Variants in RYR3 observed in about 807,000 individuals in gnomAD.
RYR3 encodes the protein brain ryanodine receptor-calcium release channel.
A neutral mutation model predicts 584.3 loss-of-function variants in RYR3; 207 were observed. The ratio of observed to expected loss-of-function variants is 0.35; its 90% CI spans 0.32 to 0.40. The LOEUF is 0.40. Ranked by LOEUF, RYR3 falls within the 10% of genes least tolerant of loss-of-function variation. The pLI, the probability that RYR3 is intolerant of heterozygous loss-of-function variation, is 1.00. For synonymous variants in RYR3, 2,416 were observed against 2,248.5 expected, an observed-to-expected ratio of 1.07 and a Z score of -2.11; for missense variants, 5,616 against 6,089.2, an observed-to-expected ratio of 0.92 and a Z score of 2.59.
chr15:33,523,318 T>C (rs2054146754), intron 3 of RYR3, among the ~76,000 whole-genome samples: 1 of 152,100 alleles, frequency 6.6e-6, no homozygotes, highest in Non-Finnish European at 1.5e-5. Flanking sequence ...CTTTTCACGG[T>C]AAATCTTGCT....
intron 2 of RYR3, 21 bp from the exon 3 acceptor site, chr15:33,503,610 A>G: frequency 6.9e-7 from 1 of 1,451,532 alleles, no homozygotes; most frequent in Non-Finnish European, 9.6e-7. Context: ...AGGTATCCTC[A>G]TTCTGATTTT....
chr15:33,311,030 C>G lies in RYR3; in HGVS notation c.-16C>G. On this transcript the variant is annotated 5_prime_UTR_variant, in exon 1 of 104. Transcript: ENST00000634891. The surrounding 1 kb of genome is among the most constrained non-coding windows in gnomAD (Gnocchi z 4.4). ...GAGGCGCCGGAGGCTGGGGCACCGC[C>G]GACGCCTCGGGAGCCATGGCCGAAG... 1.1e-5 allele frequency: 17 copies of G among 1,573,328 alleles called. No individual in the cohort carries two copies. The highest frequency in any genetic ancestry group is 1.5e-5 in the Non-Finnish European group (17 of 1,161,314).
chr15:33,491,056 A>G (rs892569159), intron 2 of RYR3, among the ~76,000 whole-genome samples: 3 of 152,154 alleles, frequency 2.0e-5, no homozygotes, highest in Non-Finnish European at 4.4e-5. Context: ...ACTGCCAACA[A>G]TTCTTATGCA....
chr15:33,849,484 A>T (rs2078951120), intron 94 of RYR3: 1 of 152,216 alleles, frequency 6.6e-6, no homozygotes, highest in South Asian at 2.1e-4. Context: ...AATGCCTGGC[A>T]CGTGGTAGGC....
intron 12 of RYR3, among the ~76,000 whole-genome samples, chr15:33,567,794 C>T (rs193144518): frequency 1.2e-3 from 184 of 152,242 alleles, no homozygotes; most frequent in African/African-American, 4.1e-3. Context: ...AATCAGATAC[C>T]CTCAGAATAA....
At chr15:33,315,993 C>G (rs1269956982) in intron 1 of RYR3, among the ~76,000 whole-genome samples, 5 of 151,804 alleles carry the variant, frequency 3.3e-5, no homozygotes, top group Non-Finnish European at 4.4e-5. Flanking sequence ...TTTTCTTATG[C>G]TACTATGATT....
chr15:33,799,906 A>C (rs2152929382), intron 67 of RYR3, among the ~76,000 whole-genome samples: 1 of 149,336 alleles, frequency 6.7e-6, no homozygotes, highest in Admixed American at 6.7e-5. Flanking sequence ...TGATATCAGA[A>C]GCGTTGAGCA....
At chr15:33,427,008 C>G (rs2044704592) in intron 1 of RYR3, among the ~76,000 whole-genome samples, 1 of 152,200 alleles carries the variant, frequency 6.6e-6, no homozygotes. Context: ...AGCCCCTCCT[C>G]CAAATGCCAT....
intron 60 of RYR3, among the ~76,000 whole-genome samples, chr15:33,764,027 T>C (rs772558112): frequency 2.6e-5 from 4 of 152,078 alleles, no homozygotes; most frequent in African/African-American, 7.2e-5. Flanking sequence ...GTGGCGATTC[T>C]TCAAGGATCT....
At chr15:33,328,283 C>T (rs888526828) in intron 1 of RYR3, among the ~76,000 whole-genome samples, 52 of 152,200 alleles carry the variant, frequency 3.4e-4, no homozygotes, top group Non-Finnish European at 2.8e-4. Context: ...TGGGCTGTTA[C>T]GGCAGCTCTG....
At chr15:33,743,296 C>A (rs576264354) in intron 52 of RYR3, among the ~76,000 whole-genome samples, 1 of 152,262 alleles carries the variant, frequency 6.6e-6, no homozygotes, top group Non-Finnish European at 1.5e-5. Flanking sequence ...AACTGTAGAA[C>A]GGGCTAATAC....
chr15:33,616,388 T>C (rs2060454504), intron 19 of RYR3, among the ~76,000 whole-genome samples: 1 of 152,210 alleles, frequency 6.6e-6, no homozygotes, highest in African/African-American at 2.4e-5. Flanking sequence ...AGGGATTTTT[T>C]TGGAATCCTC....
In RYR3 at chr15:33,580,082, C is replaced by CAT. The variant is rs1365227697; in HGVS notation, c.1376_1377dup (p.Glu460MetfsTer28). 1 of 1,613,420 alleles carries CAT rather than the reference C, an allele frequency of 6.2e-7. No individual in the cohort carries two copies. Among genetic ancestry groups the CAT allele is most frequent in the Non-Finnish European group, 8.5e-7 (1 of 1,179,702 alleles). ...CCAGCCCCCAGAGGAGGAGATGCGA[C>CAT]ATGAAGACAAGCAGAACAAGCTCCG... On this transcript the variant is annotated frameshift_variant, in exon 13 of 104. Transcript: ENST00000634891. LOFTEE classifies it high-confidence loss of function.
chr15:33,615,103 C>T (rs995124811), intron 19 of RYR3, among the ~76,000 whole-genome samples: 3 of 152,204 alleles, frequency 2.0e-5, no homozygotes, highest in Non-Finnish European at 4.4e-5. Flanking sequence ...CTCAGCCATT[C>T]TTCATCCCTG....
intron 36 of RYR3, among the ~76,000 whole-genome samples, chr15:33,666,706 G>A (rs1407836871): frequency 1.3e-5 from 2 of 152,174 alleles, no homozygotes; most frequent in African/African-American, 4.8e-5. Flanking sequence ...AAGAAAATGG[G>A]GGATATAACT....
At chr15:33,357,657 T>C (rs1412611466) in intron 1 of RYR3, among the ~76,000 whole-genome samples, 1 of 152,190 alleles carries the variant, frequency 6.6e-6, no homozygotes, top group Non-Finnish European at 1.5e-5. Flanking sequence ...GGAGTAGCCA[T>C]TCTTTATTCC....
chr15:33,713,681 G>A (rs778250419), intron 43 of RYR3, among the ~76,000 whole-genome samples: 1 of 152,150 alleles, frequency 6.6e-6, no homozygotes, highest in East Asian at 1.9e-4. Flanking sequence ...CCATAGACAA[G>A]GTAGCTTATA....
intron 10 of RYR3, among the ~76,000 whole-genome samples, chr15:33,554,986 C>A (rs1299826082): frequency 6.6e-6 from 1 of 152,218 alleles, no homozygotes; most frequent in African/African-American, 2.4e-5. Flanking sequence ...CTACACCATA[C>A]ATCTTGAATG....
intron 69 of RYR3, among the ~76,000 whole-genome samples, chr15:33,803,399 G>C (rs897594636): frequency 6.6e-6 from 1 of 152,150 alleles, no homozygotes; most frequent in East Asian, 1.9e-4. Flanking sequence ...TCCACCTTTC[G>C]GGGACAGCTA....
Sources: allele counts gnomAD v4.1 joint callset (sites outside exome capture counted in the v4.1 genomes callset), GRCh38; gene constraint gnomAD v4.1.1; non-coding constraint Gnocchi (gnomAD v3.1); transcripts MANE v1.5; gene names NCBI Gene and HGNC (gene_info 2026-07-23, HGNC 2026-07-21).